CIMIP2B: variants seen among roughly 807,000 people sequenced by gnomAD.
CIMIP2B encodes the protein family with sequence similarity 166 member B.
chr9:35,562,095 C>A, the CIMIP2B span: 1 of 1,529,718 alleles, frequency 6.5e-7, no homozygotes, highest in African/African-American at 1.4e-5. Flanking sequence ...GAACTTATAC[C>A]CTGTGTGGCC....
chr9:35,562,444 G>A, the CIMIP2B span: 1 of 1,578,810 alleles, frequency 6.3e-7, no homozygotes, highest in Middle Eastern at 1.7e-4. Context: ...TGGGAAGTGG[G>A]GGGAGATGTT....
chr9:35,563,024 C>T, the CIMIP2B span: 217 of 1,614,020 alleles, frequency 1.3e-4, no homozygotes, highest in East Asian at 2.5e-3. Context: ...CTCAGAGCCT[C>T]GGCCCAGACC....
the CIMIP2B span, chr9:35,562,914 CT>C: frequency 6.2e-7 from 1 of 1,613,932 alleles, no homozygotes; most frequent in African/African-American, 1.3e-5. Flanking sequence ...CCAGCTGCCC[CT>C]CCGGCTCTGG....
At chr9:35,561,981 GGGAA>G in the CIMIP2B span, 21 of 1,242,266 alleles carry the variant, frequency 1.7e-5, no homozygotes, top group Non-Finnish European at 2.2e-5. Flanking sequence ...AGGATGAAAA[GGGAA>G]GGGAACTTGA....
At chr9:35,563,027 C>T in the CIMIP2B span, 3 of 1,613,902 alleles carry the variant, frequency 1.9e-6, no homozygotes, top group African/African-American at 2.7e-5. Flanking sequence ...AGAGCCTCGG[C>T]CCAGACCTGG....
At chr9:35,562,698 A>AGCCTGTGAGAGAAGCCCCTGT in the CIMIP2B span, 8 of 1,613,692 alleles carry the variant, frequency 5.0e-6, no homozygotes, top group Non-Finnish European at 6.8e-6. Context: ...AGTAGGGAGA[A>AGCCTGTGAGAGAAGCCCCTGT]GCCTGTGAGA....
At chr9:35,561,909 G>A in the CIMIP2B span, 26 of 626,574 alleles carry the variant, frequency 4.1e-5, no homozygotes, top group African/African-American at 4.2e-4. Flanking sequence ...TTTTCTCTTT[G>A]TGTTCCCCCA....
chr9:35,563,075 C>A, the CIMIP2B span: 2 of 1,613,940 alleles, frequency 1.2e-6, no homozygotes, highest in Non-Finnish European at 1.7e-6. Flanking sequence ...GCCCGGGGTA[C>A]AAAACCTGGG....
the CIMIP2B span, chr9:35,562,320 C>T: frequency 7.5e-7 from 1 of 1,331,904 alleles, no homozygotes; most frequent in Non-Finnish European, 1.0e-6. Context: ...ACCCAACCCA[C>T]CCCATACCCA....
chr9:35,562,548 G>C, the CIMIP2B span: 1 of 1,585,792 alleles, frequency 6.3e-7, no homozygotes, highest in Non-Finnish European at 8.6e-7. Context: ...AAGAGGAAGC[G>C]GGCGCAGGGC....
the CIMIP2B span, chr9:35,562,466 G>C: frequency 6.3e-7 from 1 of 1,583,926 alleles, no homozygotes; most frequent in Non-Finnish European, 8.6e-7. Context: ...GGGGTCCTGG[G>C]CACTGCCTGG....
chr9:35,561,959 G>T, the CIMIP2B span: 1 of 637,598 alleles, frequency 1.6e-6, no homozygotes, highest in South Asian at 1.5e-5. Context: ...CTTCCAAAAG[G>T]ATGGCTGGGA....
chr9:35,563,283 G>A, the CIMIP2B span: 2 of 1,613,974 alleles, frequency 1.2e-6, no homozygotes, highest in South Asian at 1.1e-5. Flanking sequence ...AGTGTGCGGT[G>A]GACAGGGGGC....
chr9:35,563,221 T>C, the CIMIP2B span: 25 of 1,613,916 alleles, frequency 1.5e-5, no homozygotes, highest in South Asian at 2.2e-4. Flanking sequence ...GCCTGACAGG[T>C]AGACTCTCCC....
the CIMIP2B span, chr9:35,562,634 C>G: frequency 1.2e-6 from 2 of 1,612,490 alleles, no homozygotes; most frequent in African/African-American, 2.7e-5. Flanking sequence ...CTGATCCTGA[C>G]CCCCCAGCTC....
At chr9:35,562,440 G>GT in the CIMIP2B span, 1 of 1,576,112 alleles carries the variant, frequency 6.3e-7, no homozygotes, top group African/African-American at 1.3e-5. Context: ...GTTCTGGGAA[G>GT]TGGGGGGAGA....
At chr9:35,562,707 G>A in the CIMIP2B span, 1 of 1,613,670 alleles carries the variant, frequency 6.2e-7, no homozygotes, top group Non-Finnish European at 8.5e-7. Context: ...AAGCCTGTGA[G>A]AGAAGCCCCT....
chr9:35,563,370 G>T, the CIMIP2B span: 5 of 1,612,514 alleles, frequency 3.1e-6, no homozygotes, highest in African/African-American at 6.7e-5. Flanking sequence ...AACCGAAGTA[G>T]TGGGCAGTGT....
chr9:35,562,670 G>A, the CIMIP2B span: 1 of 1,613,658 alleles, frequency 6.2e-7, no homozygotes, highest in Non-Finnish European at 8.5e-7. Context: ...AACTTCCGAG[G>A]GTCCCTGTCA....
Sources: gnomAD v4.1 joint callset for allele counts on GRCh38, gnomAD v4.1.1 for gene constraint, MANE v1.5 for transcripts, NCBI Gene and HGNC (gene_info 2026-07-23, HGNC 2026-07-21) for gene names.